GREB1L: variants seen among roughly 807,000 people sequenced by gnomAD.
GREB1L encodes GREB1 like retinoic acid receptor coactivator, also known as GREB1-like protein.
Under a neutral mutation model 200.8 loss-of-function variants are expected in GREB1L, and 17 were observed. The observed-to-expected ratio is 0.08, with a 90% CI of 0.06 to 0.13. The LOEUF (loss-of-function observed/expected upper bound fraction) is 0.13, where lower values mean the gene tolerates loss of function less well. GREB1L is among the 10% of genes least tolerant of loss of function. GREB1L has a pLI of 1.00. For synonymous variants in GREB1L, 789 were observed against 893.0 expected, an observed-to-expected ratio of 0.88 and a Z score of 2.08; for missense variants, 1,657 against 2,367.7, an observed-to-expected ratio of 0.70 and a Z score of 6.23.
intron 2 of GREB1L, among the ~76,000 whole-genome samples, chr18:21,381,334 G>C (rs1278482155): frequency 3.3e-5 from 5 of 152,072 alleles, no homozygotes; most frequent in Non-Finnish European, 7.4e-5. Context: ...CTTGAACCCA[G>C]GTGGCAGAGA....
chr18:21,330,260 T>C (rs2039088528), intron 1 of GREB1L, among the ~76,000 whole-genome samples: 1 of 152,172 alleles, frequency 6.6e-6, no homozygotes, highest in South Asian at 2.1e-4. Flanking sequence ...CCTCATTATT[T>C]GGAAATTGGG....
chr18:21,508,458 T>C lies in GREB1L; in HGVS notation c.4602T>C (p.Leu1534=), dbSNP rs2037104872. The C allele has an allele frequency of 2.6e-6, 4 of 1,551,700 alleles. No individual in the cohort carries two copies. The highest frequency in any genetic ancestry group is 2.6e-6 in the Non-Finnish European group (3 of 1,146,984). Residue 1534 remains leucine (L), a synonymous_variant, in exon 27 of 33, where the codon CTT becomes CTC. Transcript: ENST00000424526. ...GACATGAGCACGGACTCCTAAACCTTTTCCACGCCATGGAGGGCATCAGCC... is the reference window on the plus strand; with the variant it reads ...GACATGAGCACGGACTCCTAAACCTCTTCCACGCCATGGAGGGCATCAGCC... ...SGRHEHGLLN[L]FHAMEGISHL...
In GREB1L at chr18:21,444,337, G is replaced by C; in HGVS notation, c.1321G>C (p.Gly441Arg). The C allele has an allele frequency of 6.4e-7, 1 of 1,552,186 alleles. No individual in the cohort carries two copies. The highest frequency in any genetic ancestry group is 8.7e-7 in the Non-Finnish European group (1 of 1,147,044). ...QLENKDLEKLGLTGSQFLSVE... is the reference protein window; with the variant it reads ...QLENKDLEKLRLTGSQFLSVE... ...GGAAAACAAAGATTTGGAAAAATTA[G>C]GGTTGACCGGCAGCCAATTTCTGAG... is the stretch of plus-strand genomic sequence containing the variant. Residue 441 changes from glycine to arginine, a missense_variant, in exon 11 of 33, where the codon GGG becomes CGG. By Grantham distance (125) the Gly-to-Arg change is moderately radical. Transcript: ENST00000424526.
At chr18:21,512,230 T>C (rs761767480) in intron 27 of GREB1L, among the ~76,000 whole-genome samples, 26 of 152,176 alleles carry the variant, frequency 1.7e-4, no homozygotes, top group Non-Finnish European at 3.1e-4. Context: ...TGCAAAGTCT[T>C]TGGGATTTTG....
intron 1 of GREB1L, among the ~76,000 whole-genome samples, chr18:21,257,850 C>T (rs960462675): frequency 1.3e-5 from 2 of 152,188 alleles, no homozygotes; most frequent in African/African-American, 4.8e-5. Context: ...TACCCCACCT[C>T]ACACATTGTG....
At chr18:21,255,214 A>G (rs1296952428) in intron 1 of GREB1L, among the ~76,000 whole-genome samples, 5 of 152,188 alleles carry the variant, frequency 3.3e-5, no homozygotes, top group South Asian at 2.1e-4. Flanking sequence ...TTTCCTGCCT[A>G]TCTATCCTGC....
intron 1 of GREB1L, among the ~76,000 whole-genome samples, chr18:21,346,495 C>A (rs1000967866): frequency 6.6e-6 from 1 of 151,904 alleles, no homozygotes; most frequent in African/African-American, 2.4e-5. Flanking sequence ...TCCTAACATG[C>A]CCTCTCTCAC....
chr18:21,437,738 G>A (rs2033637681), intron 7 of GREB1L, among the ~76,000 whole-genome samples: 1 of 152,118 alleles, frequency 6.6e-6, no homozygotes, highest in Non-Finnish European at 1.5e-5. Context: ...GAAAAGGAAG[G>A]ACATCTTATA....
chr18:21,311,385 A>G (rs1369177410), intron 1 of GREB1L, among the ~76,000 whole-genome samples: 1 of 152,200 alleles, frequency 6.6e-6, no homozygotes, highest in Non-Finnish European at 1.5e-5. Context: ...GGTTTATTCT[A>G]AGTTGGTCAG....
intron 1 of GREB1L, among the ~76,000 whole-genome samples, chr18:21,292,271 T>C (rs1357074077): frequency 6.6e-6 from 1 of 152,204 alleles, no homozygotes; most frequent in East Asian, 1.9e-4. Context: ...TGTCTGGTGC[T>C]GTGTTAGGAG....
intron 15 of GREB1L, among the ~76,000 whole-genome samples, chr18:21,467,208 A>T (rs1443137405): frequency 6.6e-6 from 1 of 152,232 alleles, no homozygotes; most frequent in Admixed American, 6.5e-5. Flanking sequence ...TTTCTTGTAT[A>T]TGACACCAAA....
intron 7 of GREB1L, among the ~76,000 whole-genome samples, chr18:21,427,247 T>C (rs550542036): frequency 1.3e-5 from 2 of 152,230 alleles, no homozygotes; most frequent in East Asian, 1.9e-4. Context: ...CTCATACCTA[T>C]AATCCCTGCA....
chr18:21,290,562 C>A (rs2038431195), intron 1 of GREB1L, among the ~76,000 whole-genome samples: 1 of 152,134 alleles, frequency 6.6e-6, no homozygotes, highest in South Asian at 2.1e-4. Flanking sequence ...GTGGCTCATG[C>A]CTATAATCCC....
At chr18:21,343,558 T>C (rs2039298302) in intron 1 of GREB1L, among the ~76,000 whole-genome samples, 1 of 152,064 alleles carries the variant, frequency 6.6e-6, no homozygotes, top group African/African-American at 2.4e-5. Flanking sequence ...CACTCAGTTT[T>C]ACTAATGAGG....
At chr18:21,425,056 T>A (rs1414750834) in intron 7 of GREB1L, among the ~76,000 whole-genome samples, 1 of 152,210 alleles carries the variant, frequency 6.6e-6, no homozygotes, top group Non-Finnish European at 1.5e-5. Context: ...AATTTTCAAT[T>A]TTTTAATAGG....
At chr18:21,497,577 G>T (rs2036594255) in intron 21 of GREB1L, among the ~76,000 whole-genome samples, 1 of 151,692 alleles carries the variant, frequency 6.6e-6, no homozygotes, top group South Asian at 2.1e-4. Context: ...CCAGGAGGTG[G>T]AGGTTGCAGT....
At chr18:21,455,927 A>G (rs1189665819) in intron 15 of GREB1L, among the ~76,000 whole-genome samples, 3 of 124,082 alleles carry the variant, frequency 2.4e-5, no homozygotes, top group South Asian at 2.5e-4. Flanking sequence ...TTTGTGAGAC[A>G]TAGTCTCACT....
intron 1 of GREB1L, among the ~76,000 whole-genome samples, chr18:21,245,267 C>T (rs2037577456): frequency 2.0e-5 from 3 of 152,070 alleles, no homozygotes; most frequent in Admixed American, 6.5e-5. Context: ...CTAAAAGCAC[C>T]GCTGATGAAA....
At chr18:21,500,701 A>C (rs2036752778) in intron 23 of GREB1L, 59 bp downstream of exon 23, 1 of 1,229,542 alleles carries the variant, frequency 8.1e-7, no homozygotes, top group African/African-American at 1.5e-5. Context: ...TTGAATTGCA[A>C]ATCCCGGGAA....
Sources: gnomAD v4.1 joint callset for allele counts (sites outside exome capture counted in the v4.1 genomes callset) on GRCh38, gnomAD v4.1.1 for gene constraint, MANE v1.5 for transcripts, NCBI Gene and HGNC (gene_info 2026-07-23, HGNC 2026-07-21) for gene names.